The following MAGI2 variants were observed in gnomAD, a reference collection of about 807,000 sequenced individuals.
MAGI2 encodes membrane associated guanylate kinase, WW and PDZ domain containing 2, also known as membrane-associated guanylate kinase, WW and PDZ domain-containing protein 2.
MAGI2 carries 35 observed loss-of-function variants against 133.3 expected under a neutral mutation model. The ratio of observed to expected loss-of-function variants is 0.26; its 90% confidence interval spans 0.20 to 0.35. The LOEUF (loss-of-function observed/expected upper bound fraction) is 0.35, where lower values mean the gene tolerates loss of function less well. Ranked by LOEUF, MAGI2 falls within the 10% of genes least tolerant of loss-of-function variation. The pLI is 1.00. For synonymous variants in MAGI2, 729 were observed against 710.6 expected, an observed-to-expected ratio of 1.03 and a Z score of -0.41; for missense variants, 1,636 against 1,863.4, an observed-to-expected ratio of 0.88 and a Z score of 2.25.
In MAGI2 at chr7:78,531,371, G is replaced by A. The variant is rs755979329; in HGVS notation, c.539-9726C>T. Among the ~76,000 whole-genome samples, 10 of 151,916 alleles carry A rather than the reference G, an allele frequency of 6.6e-5. 1 individual carries two copies. In the Middle Eastern group the frequency reaches 0.014, roughly 207 times the overall value. On this transcript the variant is annotated intron_variant, in intron 3 of 21. Coordinates refer to ENST00000354212, the MANE Select transcript of MAGI2 (RefSeq NM_012301.4). Reference sequence around the variant, plus strand: ...TGGGGCTACAGGCATGCACCTCCACGTCGAATTAATTTTTGTATATTTAGT... The same window carrying A: ...TGGGGCTACAGGCATGCACCTCCACATCGAATTAATTTTTGTATATTTAGT...
rs1806970790 is a variant in MAGI2, at chr7:78,615,413, G to C, written c.538+11707C>G. 3 of 152,188 alleles carry C rather than the reference G, an allele frequency of 2.0e-5. No homozygotes were observed. In the South Asian group the frequency reaches 6.2e-4, roughly 32 times the overall value. 9.4% of individuals were successfully genotyped at this position (152,188 alleles called of 1,614,324 possible). ...GAAACCAGATGGCTGCATCAAAAAG[G>C]TGTTCTCTGGAAGTTTCATGGAGAC... is the stretch of plus-strand genomic sequence containing the variant. On this transcript the variant is annotated intron_variant, in intron 3 of 21. Transcript: ENST00000354212.
chr7:79,203,863 G>A (rs902829226), intron 1 of MAGI2, among the ~76,000 whole-genome samples: 1 of 151,982 alleles, frequency 6.6e-6, no homozygotes. Flanking sequence ...AGGCCTCAGG[G>A]TAGGACTCTC....
intron 21 of MAGI2, among the ~76,000 whole-genome samples, chr7:78,050,197 T>C (rs1329603539): frequency 6.6e-6 from 1 of 152,228 alleles, no homozygotes; most frequent in African/African-American, 2.4e-5. Flanking sequence ...AAGTGTTACA[T>C]CTGTGTTTAT....
At chr7:79,241,970 C>T (rs1832449548) in intron 1 of MAGI2, among the ~76,000 whole-genome samples, 2 of 152,168 alleles carry the variant, frequency 1.3e-5, no homozygotes, top group African/African-American at 4.8e-5. Flanking sequence ...TCCCTAGCCC[C>T]ACTGCCTGCC....
chr7:78,985,228 C>T (rs960646914), intron 2 of MAGI2, among the ~76,000 whole-genome samples: 2 of 151,970 alleles, frequency 1.3e-5, no homozygotes, highest in Non-Finnish European at 1.5e-5. Context: ...GTAGCAATCA[C>T]CTCAATCATT....
intron 20 of MAGI2, among the ~76,000 whole-genome samples, chr7:78,085,010 C>T (rs1394088569): frequency 1.3e-5 from 2 of 152,190 alleles, no homozygotes; most frequent in Admixed American, 6.5e-5. Flanking sequence ...GTGCCTATTA[C>T]AGGGCCTGGC....
At chr7:78,656,882 C>T (rs1187453415) in intron 2 of MAGI2, among the ~76,000 whole-genome samples, 1 of 150,512 alleles carries the variant, frequency 6.6e-6, no homozygotes, top group South Asian at 2.1e-4. Flanking sequence ...AGACAAGCCA[C>T]AGACTGAGAG....
At chr7:79,311,345 A>G (rs886819801) in intron 1 of MAGI2, among the ~76,000 whole-genome samples, 19 of 152,140 alleles carry the variant, frequency 1.2e-4, no homozygotes, top group African/African-American at 4.6e-4. Context: ...TGAGCTAAAC[A>G]TAAATCACCA....
intron 9 of MAGI2, among the ~76,000 whole-genome samples, chr7:78,324,141 TACACTACACTACACACTACACTACACTAC>T (rs1299456523): frequency 3.8e-5 from 5 of 130,044 alleles, no homozygotes; most frequent in African/African-American, 1.5e-4. Flanking sequence ...TACACTACAC[TACACTACACTACACACTACACTACACTAC>T]ACACTACACT....
intron 1 of MAGI2, among the ~76,000 whole-genome samples, chr7:79,405,104 T>C (rs1845719297): frequency 6.6e-6 from 1 of 152,104 alleles, no homozygotes; most frequent in Non-Finnish European, 1.5e-5. Flanking sequence ...GTCAGAAAAT[T>C]CTAAATTTGA....
At chr7:78,973,685 G>T (rs1483276107) in intron 2 of MAGI2, among the ~76,000 whole-genome samples, 1 of 151,612 alleles carries the variant, frequency 6.6e-6, no homozygotes, top group Non-Finnish European at 1.5e-5. Flanking sequence ...AATGAGGCCT[G>T]CGGAGAAAAG....
chr7:78,365,027 G>A (rs982244044), intron 7 of MAGI2, among the ~76,000 whole-genome samples: 1 of 152,180 alleles, frequency 6.6e-6, no homozygotes, highest in Non-Finnish European at 1.5e-5. Context: ...AAAAGATGTT[G>A]AGTAGGGCCC....
At chr7:78,336,014 A>G (rs1005504084) in intron 9 of MAGI2, among the ~76,000 whole-genome samples, 2 of 152,222 alleles carry the variant, frequency 1.3e-5, no homozygotes, top group Non-Finnish European at 2.9e-5. Flanking sequence ...AGACAACTGT[A>G]TAAGTGTATT....
chr7:79,090,282 A>C, intron 1 of MAGI2, among the ~76,000 whole-genome samples: 1 of 152,024 alleles, frequency 6.6e-6, no homozygotes, highest in Admixed American at 6.6e-5. Context: ...TCCTCACAAA[A>C]TTATTTAACC....
At chr7:78,537,874 G>A (rs979730316) in intron 3 of MAGI2, among the ~76,000 whole-genome samples, 1 of 152,034 alleles carries the variant, frequency 6.6e-6, no homozygotes, top group Non-Finnish European at 1.5e-5. Context: ...TTATCTTTTT[G>A]TTGTATTTGC....
chr7:78,485,339 T>A (rs893557525), intron 6 of MAGI2: 5 of 151,984 alleles, frequency 3.3e-5, no homozygotes, highest in African/African-American at 1.2e-4. Context: ...ACTCCAAAAG[T>A]GTACAGAGCT....
intron 2 of MAGI2, among the ~76,000 whole-genome samples, chr7:78,666,421 G>GT (rs940356347): frequency 2.6e-5 from 4 of 152,126 alleles, no homozygotes; most frequent in Non-Finnish European, 5.9e-5. Context: ...TTGTTTGGGG[G>GT]TTTTTCTATT....
chr7:78,923,869 T>C (rs1253482638), intron 2 of MAGI2, among the ~76,000 whole-genome samples: 1 of 152,204 alleles, frequency 6.6e-6, no homozygotes, highest in Non-Finnish European at 1.5e-5. Context: ...TTTTATTTCA[T>C]TGAGCAGTGG....
At chr7:78,800,586 A>AG (rs1355048926) in intron 2 of MAGI2, among the ~76,000 whole-genome samples, 3 of 152,196 alleles carry the variant, frequency 2.0e-5, no homozygotes, top group African/African-American at 7.2e-5. Flanking sequence ...GGACAAAAAT[A>AG]GAACAATTTT....
Sources: gnomAD v4.1 joint callset for allele counts (sites outside exome capture counted in the v4.1 genomes callset) on GRCh38, gnomAD v4.1.1 for gene constraint, MANE v1.5 for transcripts, NCBI Gene and HGNC (gene_info 2026-07-23, HGNC 2026-07-21) for gene names.